The following KCNK9 variants were observed in gnomAD, a reference collection of about 807,000 sequenced individuals.
The protein encoded by KCNK9 is potassium channel subfamily K member 9.
In KCNK9, 1 loss-of-function variant was observed where a neutral mutation model predicts 10.8. That is an observed-to-expected ratio of 0.09 (90% confidence interval 0.03 to 0.44). The LOEUF (loss-of-function observed/expected upper bound fraction) is 0.44. KCNK9 is among the 20% of genes least tolerant of loss of function. The probability of loss-of-function intolerance (pLI) is 0.97; values close to 1 mark genes in which losing one functional copy is unlikely to be tolerated. For missense variants in KCNK9, 303 were observed against 515.0 expected, an observed-to-expected ratio of 0.59 and a Z score of 3.98; for synonymous variants, 231 against 222.7, an observed-to-expected ratio of 1.04 and a Z score of -0.33.
At chr8:139,650,871 C>A (rs573430726) in intron 1 of KCNK9, among the ~76,000 whole-genome samples, 2 of 152,298 alleles carry the variant, frequency 1.3e-5, no homozygotes, top group East Asian at 3.9e-4. Context: ...GCAGAGGCCA[C>A]CAGCCCCTTG....
chr8:139,701,322 A>C (rs1817213523), intron 1 of KCNK9, among the ~76,000 whole-genome samples: 1 of 152,210 alleles, frequency 6.6e-6, no homozygotes, highest in Non-Finnish European at 1.5e-5. Context: ...AAAAACCTGC[A>C]CCAATGAATT....
At chr8:139,631,723 A>G (rs1815179905) in intron 1 of KCNK9, among the ~76,000 whole-genome samples, 2 of 152,016 alleles carry the variant, frequency 1.3e-5, no homozygotes, top group Non-Finnish European at 2.9e-5. Context: ...GTACAGAGGG[A>G]AAAATATATA....
chr8:139,696,896 AATAG>A (rs1409095145), intron 1 of KCNK9, among the ~76,000 whole-genome samples: 2 of 136,984 alleles, frequency 1.5e-5, no homozygotes, highest in African/African-American at 5.6e-5. Context: ...TGGGTGGATG[AATAG>A]ATGGATGGGT....
intron 1 of KCNK9, among the ~76,000 whole-genome samples, chr8:139,690,840 T>C (rs1816920754): frequency 6.6e-6 from 1 of 152,174 alleles, no homozygotes; most frequent in Admixed American, 6.5e-5. Context: ...TTGGCCCTAT[T>C]TCATAGTCTT....
At chr8:139,635,701 C>T (rs1374176034) in intron 1 of KCNK9, among the ~76,000 whole-genome samples, 1 of 152,140 alleles carries the variant, frequency 6.6e-6, no homozygotes, top group Non-Finnish European at 1.5e-5. Context: ...AATACTTGCT[C>T]ACTGAAGAGA....
chr8:139,664,140 G>A (rs924875538), intron 1 of KCNK9, among the ~76,000 whole-genome samples: 37 of 152,240 alleles, frequency 2.4e-4, no homozygotes, highest in East Asian at 5.8e-4. Context: ...CAGACTGACC[G>A]GGAGGGGCAG....
intron 1 of KCNK9, among the ~76,000 whole-genome samples, chr8:139,666,163 G>A (rs1380701971): frequency 1.3e-5 from 2 of 152,202 alleles, no homozygotes; most frequent in African/African-American, 4.8e-5. Context: ...TGAGAGGGGA[G>A]TCACAGTAAA....
intron 1 of KCNK9, among the ~76,000 whole-genome samples, chr8:139,662,919 G>C (rs918186): frequency 0.43 from 64,442 of 148,222 alleles, 17,587 homozygotes; most frequent in East Asian, 0.86. Flanking sequence ...GCTTCCTGAC[G>C]CTGCAGAGGG....
chr8:139,656,663 C>A (rs1816030445), intron 1 of KCNK9, among the ~76,000 whole-genome samples: 1 of 152,200 alleles, frequency 6.6e-6, no homozygotes, highest in Non-Finnish European at 1.5e-5. Flanking sequence ...GAGCTCAACC[C>A]CACACAGTGC....
intron 1 of KCNK9, among the ~76,000 whole-genome samples, chr8:139,653,937 G>A (rs942951113): frequency 3.9e-5 from 6 of 152,190 alleles, no homozygotes; most frequent in African/African-American, 1.2e-4. Context: ...AGAAGGGGCC[G>A]GAGCTAAGGC....
chr8:139,696,246 G>A (rs543438454), intron 1 of KCNK9, among the ~76,000 whole-genome samples: 4 of 152,272 alleles, frequency 2.6e-5, no homozygotes, highest in South Asian at 2.1e-4. Flanking sequence ...GACTAGCTTC[G>A]GGGGTTCTGG....
At chr8:139,666,435 G>T (rs550782710) in intron 1 of KCNK9, among the ~76,000 whole-genome samples, 2 of 152,128 alleles carry the variant, frequency 1.3e-5, no homozygotes, top group Non-Finnish European at 2.9e-5. Context: ...TAAATGAGTC[G>T]GCCGTCCGGT....
intron 1 of KCNK9, among the ~76,000 whole-genome samples, chr8:139,632,782 C>T (rs962052286): frequency 9.2e-5 from 14 of 152,074 alleles, no homozygotes; most frequent in African/African-American, 1.4e-4. Flanking sequence ...GAGCCCCTGC[C>T]GAGAAACAGT....
intron 1 of KCNK9, among the ~76,000 whole-genome samples, chr8:139,679,261 G>A (rs1353540622): frequency 3.9e-5 from 6 of 152,222 alleles, no homozygotes; most frequent in Non-Finnish European, 7.4e-5. Flanking sequence ...ACGCACAGGT[G>A]CAGGCCCAGC....
chr8:139,619,026 C>T lies in KCNK9; in HGVS notation c.357G>A (p.Pro119=), dbSNP rs200057327. Residue 119 remains proline (P), a synonymous_variant, in exon 2 of 2, where the codon CCG becomes CCA. Coordinates refer to ENST00000520439, the MANE Select transcript of KCNK9 (RefSeq NM_001282534.2). Reference sequence around the variant, plus strand: ...GGCTCTGGAACATGACCAGTGTCAGCGGGATGCCCAGCACGGCGTAGAACA... The same window carrying T: ...GGCTCTGGAACATGACCAGTGTCAGTGGGATGCCCAGCACGGCGTAGAACA... ...FCMFYAVLGI[P]LTLVMFQSLG... 5.6e-6 allele frequency: 9 copies of T among 1,614,158 alleles called. No individual in the cohort carries two copies. The East Asian group carries it at 1.1e-4, about 20-fold the overall frequency.
chr8:139,645,559 T>A (rs141933216), intron 1 of KCNK9, among the ~76,000 whole-genome samples: 97 of 152,232 alleles, frequency 6.4e-4, no homozygotes, highest in Admixed American at 2.3e-3. Flanking sequence ...CAAGACAAGG[T>A]GCTCTTGAAA....
At chr8:139,657,864 C>T (rs1347333944) in intron 1 of KCNK9, among the ~76,000 whole-genome samples, 1 of 152,206 alleles carries the variant, frequency 6.6e-6, no homozygotes, top group Non-Finnish European at 1.5e-5. Flanking sequence ...CAGCGGTCCC[C>T]ACCCACATCA....
chr8:139,635,879 T>C (rs1362305149), intron 1 of KCNK9, among the ~76,000 whole-genome samples: 1 of 152,226 alleles, frequency 6.6e-6, no homozygotes, highest in Non-Finnish European at 1.5e-5. Flanking sequence ...CCTGCTTTTT[T>C]TCTACTTATC....
chr8:139,603,446 G>A (rs972166988), intron 2 of KCNK9, among the ~76,000 whole-genome samples: 7 of 152,174 alleles, frequency 4.6e-5, no homozygotes, highest in African/African-American at 1.4e-4. Context: ...CCTCATCCAC[G>A]ACTGCCCTCT....
Sources: gnomAD v4.1 joint callset for allele counts (sites outside exome capture counted in the v4.1 genomes callset) on GRCh38, gnomAD v4.1.1 for gene constraint, MANE v1.5 for transcripts, NCBI Gene and HGNC (gene_info 2026-07-23, HGNC 2026-07-21) for gene names.